IL12RB2: variants seen among roughly 807,000 people sequenced by gnomAD.
IL12RB2 encodes the protein interleukin-12 receptor subunit beta-2.
In IL12RB2, 82 loss-of-function variants were observed where a neutral mutation model predicts 89.4. That is an observed-to-expected ratio of 0.92 (90% confidence interval 0.77 to 1.10). IL12RB2 has a LOEUF of 1.10. IL12RB2 is among the 50% of genes least tolerant of loss of function. IL12RB2 has a pLI of 0.00. For synonymous variants in IL12RB2, 368 were observed against 370.1 expected, an observed-to-expected ratio of 0.99 and a Z score of 0.07; for missense variants, 963 against 1,031.9, an observed-to-expected ratio of 0.93 and a Z score of 0.92.
intron 2 of IL12RB2, among the ~76,000 whole-genome samples, chr1:67,316,432 G>C (rs1655775306): frequency 6.6e-6 from 1 of 151,638 alleles, no homozygotes; most frequent in East Asian, 1.9e-4. Flanking sequence ...GTGTGTGTGT[G>C]TGTGTGTGTG....
chr1:67,356,360 T>A (rs1038706930), intron 10 of IL12RB2, among the ~76,000 whole-genome samples: 1 of 152,152 alleles, frequency 6.6e-6, no homozygotes, highest in African/African-American at 2.4e-5. Flanking sequence ...ATCTCTATGA[T>A]GGGGTAGGAA....
At chr1:67,374,476 CTTTTTTT>C (rs34836285) in intron 13 of IL12RB2, among the ~76,000 whole-genome samples, 1 of 136,574 alleles carries the variant, frequency 7.3e-6, no homozygotes. Context: ...TCTGTTTATT[CTTTTTTT>C]TTTTTTTTTT....
chr1:67,336,223 C>G (rs1658735346), intron 8 of IL12RB2, among the ~76,000 whole-genome samples: 1 of 152,190 alleles, frequency 6.6e-6, no homozygotes, highest in African/African-American at 2.4e-5. Flanking sequence ...CTCAGCTTTG[C>G]CATTTACCAG....
chr1:67,360,235 C>G (rs538126208), intron 10 of IL12RB2, among the ~76,000 whole-genome samples: 2 of 151,794 alleles, frequency 1.3e-5, no homozygotes, highest in East Asian at 3.9e-4. Flanking sequence ...AACCCCATCT[C>G]TACTAAAAAT....
At chr1:67,393,312 A>G (rs1666024907) in intron 16 of IL12RB2, among the ~76,000 whole-genome samples, 1 of 152,246 alleles carries the variant, frequency 6.6e-6, no homozygotes, top group South Asian at 2.1e-4. Context: ...AGCTTAAAAT[A>G]GTGTCCATGA....
intron 14 of IL12RB2, among the ~76,000 whole-genome samples, chr1:67,384,499 G>A (rs1375069575): frequency 6.6e-6 from 1 of 152,218 alleles, no homozygotes; most frequent in Admixed American, 6.5e-5. Context: ...TGTCATGAAG[G>A]TTCCTAACAT....
At chr1:67,346,039 T>C (rs923488237) in intron 9 of IL12RB2, among the ~76,000 whole-genome samples, 15 of 152,190 alleles carry the variant, frequency 9.9e-5, no homozygotes, top group African/African-American at 3.6e-4. Flanking sequence ...CAGTTCAGTA[T>C]AGCAGAACAC....
chr1:67,382,297 C>T (rs2101084137), intron 14 of IL12RB2, among the ~76,000 whole-genome samples: 1 of 152,330 alleles, frequency 6.6e-6, no homozygotes, highest in South Asian at 2.1e-4. Flanking sequence ...CCCTATTCAG[C>T]CCTGTTGACA....
At chr1:67,346,018 A>C (rs1218095550) in intron 9 of IL12RB2, among the ~76,000 whole-genome samples, 1 of 152,202 alleles carries the variant, frequency 6.6e-6, no homozygotes, top group Non-Finnish European at 1.5e-5. Context: ...AGGTTTGACT[A>C]TCAGTTAAGT....
chr1:67,342,449 T>A (rs1659742667), intron 9 of IL12RB2, among the ~76,000 whole-genome samples: 1 of 152,104 alleles, frequency 6.6e-6, no homozygotes, highest in Non-Finnish European at 1.5e-5. Context: ...AACTCCGTGC[T>A]GATTGGGTGC....
At position 67,337,474 on chromosome 1, in the gene IL12RB2, CACTT is replaced by C. The variant is rs1466686402; in HGVS notation, c.959-1147_959-1144del. On this transcript the variant is annotated intron_variant, in intron 8 of 16. Coordinates refer to ENST00000674203, the MANE Select transcript of IL12RB2 (RefSeq NM_001374259.2). The stretch of plus-strand genomic sequence containing the variant: ...ATGAACTCATGCACACACACACTCA[CACTT>C]ACACATACAGGAGTTGATTATTTAG... Among the ~76,000 whole-genome samples the C allele has an allele frequency of 2.0e-5, 3 of 152,324 alleles. No individual in the cohort carries two copies. In the East Asian group the frequency reaches 5.8e-4, roughly 29 times the overall value.
intron 9 of IL12RB2, among the ~76,000 whole-genome samples, chr1:67,346,050 T>C (rs17129844): frequency 0.056 from 8,453 of 152,146 alleles, 265 homozygotes; most frequent in Admixed American, 0.074. Context: ...AGCAGAACAC[T>C]GGGGAGTATC....
intron 16 of IL12RB2, among the ~76,000 whole-genome samples, chr1:67,391,413 G>GT (rs1319368802): frequency 7.1e-6 from 1 of 141,508 alleles, no homozygotes; most frequent in Non-Finnish European, 1.5e-5. Context: ...ACAAACTGCT[G>GT]TTTTATATAT....
At chr1:67,339,443 T>C (rs549834330) in intron 9 of IL12RB2, among the ~76,000 whole-genome samples, 1 of 148,742 alleles carries the variant, frequency 6.7e-6, no homozygotes, top group Admixed American at 6.8e-5. Context: ...GCCAAGATCA[T>C]GCCACTGCAC....
intron 13 of IL12RB2, among the ~76,000 whole-genome samples, chr1:67,375,484 A>G (rs571790245): frequency 2.0e-4 from 31 of 152,344 alleles, no homozygotes; most frequent in African/African-American, 7.2e-4. Context: ...TTTGGCAACC[A>G]GAAATCATTG....
intron 9 of IL12RB2, among the ~76,000 whole-genome samples, chr1:67,341,513 G>GAAAGA (rs1659542634): frequency 6.7e-5 from 2 of 29,962 alleles, no homozygotes; most frequent in African/African-American, 1.7e-4. Flanking sequence ...GAAGAAAGAA[G>GAAAGA]GAAAGAAAAA....
At chr1:67,318,278 T>G (rs1656042793) in intron 2 of IL12RB2, among the ~76,000 whole-genome samples, 1 of 152,052 alleles carries the variant, frequency 6.6e-6, no homozygotes, top group African/African-American at 2.4e-5. Context: ...TTGTGTGTGG[T>G]ATGGGCTGTG....
At chr1:67,339,558 C>T (rs960046564) in intron 9 of IL12RB2, among the ~76,000 whole-genome samples, 3 of 149,984 alleles carry the variant, frequency 2.0e-5, no homozygotes, top group African/African-American at 7.4e-5. Context: ...GGTAATAAAA[C>T]AGTAGTAAAT....
intron 16 of IL12RB2, among the ~76,000 whole-genome samples, chr1:67,392,955 AT>A (rs1342287914): frequency 6.6e-6 from 1 of 152,044 alleles, no homozygotes; most frequent in Non-Finnish European, 1.5e-5. Context: ...TGTGCATATA[AT>A]TTTTTTGCAA....
Sources: gnomAD v4.1 joint callset for allele counts (sites outside exome capture counted in the v4.1 genomes callset) on GRCh38, gnomAD v4.1.1 for gene constraint, MANE v1.5 for transcripts, NCBI Gene and HGNC (gene_info 2026-07-23, HGNC 2026-07-21) for gene names.